Variants in PCDHGB3 observed in about 807,000 individuals in gnomAD.
PCDHGB3 encodes the protein protocadherin gamma-B3.
In PCDHGB3, 40 loss-of-function variants were observed where a neutral mutation model predicts 59.2. The observed-to-expected ratio is 0.68, with a 90% confidence interval of 0.52 to 0.88. The LOEUF (loss-of-function observed/expected upper bound fraction) is 0.88. Ranked by LOEUF, PCDHGB3 falls within the 40% of genes least tolerant of loss-of-function variation. The probability of loss-of-function intolerance (pLI) is 0.00; values close to 1 mark genes in which losing one functional copy is unlikely to be tolerated. For missense variants in PCDHGB3, 1,309 were observed against 1,187.9 expected (o/e 1.10, Z -1.50); for synonymous variants, 581 against 503.6 (o/e 1.15, Z -2.06).
In PCDHGB3 at chr5:141,370,956, G is replaced by A; in HGVS notation, c.562G>A (p.Gly188Ser). Residue 188 changes from glycine to serine, a missense_variant, in exon 1 of 4, where the codon GGC becomes AGC. Gly to Ser is a moderately conservative substitution (Grantham distance 56, BLOSUM62 0). Coordinates refer to ENST00000576222, the MANE Select transcript of PCDHGB3 (RefSeq NM_018924.5). The stretch of plus-strand genomic sequence containing the variant: ...TTTGATTCAGAAGGAGAACCTGGAT[G>A]GCAGTAGGTACCCAGAGCTAGTACT... ...FSLIQKENLD[G>S]SRYPELVLKA... 1 of 1,613,992 alleles carries A rather than the reference G, an allele frequency of 6.2e-7. No homozygotes were observed. Among genetic ancestry groups the A allele is most frequent in the South Asian group, 1.1e-5 (1 of 91,086 alleles).
intron 1 of PCDHGB3, chr5:141,409,714 CG>C: frequency 6.2e-7 from 1 of 1,613,226 alleles, no homozygotes; most frequent in Non-Finnish European, 8.5e-7. Flanking sequence ...TGTCGTCATA[CG>C]TGTCAGTGAG....
At chr5:141,415,772 T>TTTTTTA in intron 1 of PCDHGB3, 1 of 1,332,986 alleles carries the variant, frequency 7.5e-7, no homozygotes, top group Non-Finnish European at 9.6e-7. Flanking sequence ...TTTTTTTTTT[T>TTTTTTA]ACTTTCTGGT....
At chr5:141,413,767 C>A in intron 1 of PCDHGB3, 1 of 1,612,972 alleles carries the variant, frequency 6.2e-7, no homozygotes, top group South Asian at 1.1e-5. Flanking sequence ...GTACCCGGAG[C>A]TGGTACTGGA....
At chr5:141,392,799 T>A in intron 1 of PCDHGB3, 1 of 1,570,210 alleles carries the variant, frequency 6.4e-7, no homozygotes, top group Non-Finnish European at 8.6e-7. Flanking sequence ...GAGAGGATTC[T>A]GCAGCAAAAC....
At chr5:141,466,871 T>C (rs1432611218) in intron 1 of PCDHGB3, among the ~76,000 whole-genome samples, 2 of 152,166 alleles carry the variant, frequency 1.3e-5, no homozygotes, top group African/African-American at 4.8e-5. Flanking sequence ...ATCCACACAT[T>C]TTTTTCATAA....
At chr5:141,385,876 G>A (rs1395840676) in intron 1 of PCDHGB3, 1 of 152,842 alleles carries the variant, frequency 6.5e-6, no homozygotes, top group Non-Finnish European at 1.5e-5. Flanking sequence ...TTGGATTTAT[G>A]CCTAAAGAAT....
chr5:141,479,801 G>A (rs2099507037), intron 1 of PCDHGB3, among the ~76,000 whole-genome samples: 1 of 152,118 alleles, frequency 6.6e-6, no homozygotes, highest in Non-Finnish European at 1.5e-5. Flanking sequence ...AATTCAGGGT[G>A]GTATGCAAGG....
At chr5:141,373,974 C>G in intron 1 of PCDHGB3, 2 of 1,051,508 alleles carry the variant, frequency 1.9e-6, no homozygotes, top group Non-Finnish European at 2.6e-6. Flanking sequence ...CGCTTCGCAT[C>G]CGGTCTCTGC....
intron 1 of PCDHGB3, among the ~76,000 whole-genome samples, chr5:141,444,150 GGA>G (rs1471930589): frequency 1.6e-4 from 18 of 114,012 alleles, no homozygotes; most frequent in Non-Finnish European, 2.3e-4. Context: ...TGTGTGTACT[GGA>G]TTTTTTTTTT....
chr5:141,440,578 C>T (rs2098188646), intron 1 of PCDHGB3: 1 of 152,138 alleles, frequency 6.6e-6, no homozygotes, highest in Non-Finnish European at 1.5e-5. Flanking sequence ...CTGAGTTTAC[C>T]CAGCTGGAAC....
rs774288267 is a variant in PCDHGB3, at chr5:141,392,993, G to A, written c.2415+20184G>A. On this transcript the variant is annotated intron_variant, in intron 1 of 3. Transcript: ENST00000576222. ...TGGGGCTGGACCCCCGGAAGCTGGCGAAGCACGGAGTCCGTATCGTCTCCA... is the reference window on the plus strand; with the variant it reads ...TGGGGCTGGACCCCCGGAAGCTGGCAAAGCACGGAGTCCGTATCGTCTCCA... The A allele has an allele frequency of 5.0e-6, 8 of 1,613,802 alleles. 1 individual carries two copies. In the South Asian group the frequency reaches 6.6e-5, roughly 13 times the overall value.
At chr5:141,390,299 A>G in intron 1 of PCDHGB3, 1 of 1,613,858 alleles carries the variant, frequency 6.2e-7, no homozygotes, top group Non-Finnish European at 8.5e-7. Context: ...TCCTTTAAGT[A>G]TAATTTAATG....
intron 1 of PCDHGB3, chr5:141,413,350 G>A: frequency 6.2e-7 from 1 of 1,613,974 alleles, no homozygotes; most frequent in Non-Finnish European, 8.5e-7. Context: ...CTTGGGTCTG[G>A]CGCCCCGGGA....
At position 141,485,675 on chromosome 5, in the gene PCDHGB3, A is replaced by C. The variant is rs1562106929; in HGVS notation, c.2416-9132A>C. 6.2e-7 allele frequency: 1 copy of C among 1,613,068 alleles called. No homozygotes were observed. The highest frequency in any genetic ancestry group is 8.5e-7 in the Non-Finnish European group (1 of 1,179,150). On this transcript the variant is annotated intron_variant, in intron 1 of 3. Coordinates refer to ENST00000576222, the MANE Select transcript of PCDHGB3 (RefSeq NM_018924.5). The surrounding 1 kb of genome is among the most constrained non-coding windows in gnomAD (Gnocchi z 5.7). ...TGCAGATGTGGGGAGCAATTCGATT[A>C]GCAGCTATAGGCTGAGCTCCAATGA...
rs1767541774 is a variant in PCDHGB3, at chr5:141,371,162, C to A, written c.768C>A (p.Pro256=). The change falls in exon 1 of 4, where the codon CCC becomes CCA. Residue 256 remains proline, a synonymous_variant. Coordinates refer to ENST00000576222, the MANE Select transcript of PCDHGB3 (RefSeq NM_018924.5). ...MYRVNVAENL[P]AGSSVLKVMA... ...GGGTCAATGTTGCAGAGAACCTGCC[C>A]GCTGGCTCCTCCGTATTAAAAGTGA... The A allele has an allele frequency of 1.9e-6, 3 of 1,613,860 alleles. No homozygotes were observed. The highest frequency in any genetic ancestry group is 2.7e-5 in the African/African-American group (2 of 74,926).
rs753581561 is a variant in PCDHGB3, at chr5:141,485,195, T to G, written c.2416-9612T>G. 2.2e-5 allele frequency: 36 copies of G among 1,613,912 alleles called. No homozygotes were observed. Among genetic ancestry groups the G allele is most frequent in the Non-Finnish European group, 1.4e-5 (16 of 1,179,906 alleles). ...AGCAATGCTCCGCAAGGTGAGAAGC[T>G]GGACAGAAATCTGGCGGTGGGCTAC... is the stretch of plus-strand genomic sequence containing the variant. On this transcript the variant is annotated intron_variant, in intron 1 of 3. Transcript: ENST00000576222. The surrounding 1 kb of genome is among the most constrained non-coding windows in gnomAD (Gnocchi z 5.7).
chr5:141,433,159 T>C, intron 1 of PCDHGB3: 2 of 1,613,968 alleles, frequency 1.2e-6, no homozygotes, highest in Non-Finnish European at 1.7e-6. Flanking sequence ...CGGTATTTTC[T>C]AAAGACAGTC....
Position 141,410,070 on chromosome 5 carries a change from C to A in PCDHGB3, c.2415+37261C>A, listed in dbSNP as rs1368179504. On this transcript the variant is annotated intron_variant, in intron 1 of 3. Transcript: ENST00000576222. ...GGACTCTTCAGCCTGGGGCTGCGCA[C>A]TGGGGAGGTGCGCACGGCTCGAGCC... 6.2e-7 allele frequency: 1 copy of A among 1,612,806 alleles called. No homozygotes were observed. The highest frequency in any genetic ancestry group is 1.3e-5 in the African/African-American group (1 of 74,938).
rs1262043820 is a variant in PCDHGB3, at chr5:141,415,755, T to TTG, written c.2415+42947_2415+42948insGT. Reference sequence around the variant, plus strand: ...GTTTATTAAGGTTTTTTTTTTTTTTTTTTTTTTTTTTTTTTTTACTTTCTG... The same window carrying TTG: ...GTTTATTAAGGTTTTTTTTTTTTTTTTGTTTTTTTTTTTTTTTTTACTTTCTG... On this transcript the variant is annotated intron_variant, in intron 1 of 3. Transcript: ENST00000576222. 56 of 1,387,630 alleles carry TTG rather than the reference T, an allele frequency of 4.0e-5. No individual in the cohort carries two copies. The African/African-American group carries it at 7.5e-4, about 19-fold the overall frequency. The allele number at this position is 1,387,630 out of a possible 1,614,324, so 86.0% of individuals were successfully genotyped here. A position where few individuals can be genotyped will look rare whatever the true frequency, so the allele number is the denominator to read the frequency against.
Sources: gnomAD v4.1 joint callset for allele counts (sites outside exome capture counted in the v4.1 genomes callset) on GRCh38, gnomAD v4.1.1 for gene constraint, Gnocchi (gnomAD v3.1) non-coding constraint, MANE v1.5 for transcripts, NCBI Gene and HGNC (gene_info 2026-07-23, HGNC 2026-07-21) for gene names.